ASTN2: variants seen among roughly 807,000 people sequenced by gnomAD.
ASTN2 encodes astrotactin 2.
In ASTN2, 54 loss-of-function variants were observed where a neutral mutation model predicts 139.8. The observed-to-expected ratio is 0.39, with a 90% confidence interval of 0.31 to 0.48. The LOEUF is 0.48. Among genes scored for constraint, ASTN2 ranks in the 20% least tolerant of loss-of-function variants. The probability of loss-of-function intolerance (pLI) is 0.95; values close to 1 mark genes in which losing one functional copy is unlikely to be tolerated. For missense variants in ASTN2, 1,565 were observed against 1,725.1 expected (o/e 0.91, Z 1.64); for synonymous variants, 756 against 719.5 (o/e 1.05, Z -0.81).
rs1491196866 is a variant in ASTN2 at position 117,225,536 on chromosome 9, T to TAC, written c.631-10795_631-10794insGT. On this transcript the variant is annotated intron_variant, in intron 2 of 22. Transcript: ENST00000313400. ...AAGACCAGCCTGGCCAAGCTGTATGTATATATATATATATATATATATATA... is the reference window on the plus strand; with the variant it reads ...AAGACCAGCCTGGCCAAGCTGTATGTACATATATATATATATATATATATATA... Among the ~76,000 whole-genome samples, 124 of 14,804 alleles carry TAC rather than the reference T, an allele frequency of 8.4e-3. 1 individual carries two copies. Among genetic ancestry groups the TAC allele is most frequent in the Non-Finnish European group, 0.011 (100 of 9,100 alleles). The allele number at this position is 14,804 out of a possible 152,430, so 9.7% of individuals were successfully genotyped here. A position where few individuals can be genotyped will look rare whatever the true frequency, so the allele number is the denominator to read the frequency against.
chr9:117,128,316 G>A (rs567178781), intron 4 of ASTN2, among the ~76,000 whole-genome samples: 18 of 145,488 alleles, frequency 1.2e-4, no homozygotes, highest in Admixed American at 9.2e-4. Context: ...GGAGGTTGCA[G>A]TGGGCCAGAT....
chr9:117,024,736 A>C (rs573344697), intron 6 of ASTN2, among the ~76,000 whole-genome samples: 2 of 152,266 alleles, frequency 1.3e-5, no homozygotes, highest in African/African-American at 4.8e-5. Flanking sequence ...AGTTCAATAT[A>C]AGAAAGCAGC....
intron 19 of ASTN2, among the ~76,000 whole-genome samples, chr9:116,525,623 C>T (rs10983216): frequency 6.6e-6 from 1 of 152,252 alleles, no homozygotes; most frequent in Admixed American, 6.5e-5. Flanking sequence ...TTGTGGTAAC[C>T]TGGGGCAGCA....
chr9:116,687,945 A>G (rs1174858809), intron 16 of ASTN2, among the ~76,000 whole-genome samples: 2 of 151,930 alleles, frequency 1.3e-5, no homozygotes, highest in East Asian at 3.9e-4. Flanking sequence ...GAGGGACTCT[A>G]TCTTGTTAGC....
chr9:116,831,214 G>C (rs1831805553), intron 11 of ASTN2, among the ~76,000 whole-genome samples: 1 of 152,118 alleles, frequency 6.6e-6, no homozygotes, highest in Non-Finnish European at 1.5e-5. Context: ...TGGAAGGGTG[G>C]GAAGAGTATG....
At chr9:116,825,390 T>C (rs1356391252) in intron 11 of ASTN2, among the ~76,000 whole-genome samples, 1 of 152,118 alleles carries the variant, frequency 6.6e-6, no homozygotes, top group Non-Finnish European at 1.5e-5. Flanking sequence ...AATAATTGAA[T>C]AGGGATATAT....
At chr9:116,953,658 CA>C (rs1382953807) in intron 10 of ASTN2, among the ~76,000 whole-genome samples, 1 of 152,094 alleles carries the variant, frequency 6.6e-6, no homozygotes, top group East Asian at 1.9e-4. Context: ...TTAACAACAA[CA>C]AAAAAGATGG....
intron 13 of ASTN2, among the ~76,000 whole-genome samples, chr9:116,803,510 A>ATATATATATATATATG (rs1830939770): frequency 1.4e-4 from 1 of 7,288 alleles, no homozygotes; most frequent in Admixed American, 2.4e-3. Context: ...ATATATATAT[A>ATATATATATATATATG]TATATATATA....
intron 19 of ASTN2, among the ~76,000 whole-genome samples, chr9:116,502,257 C>A (rs145175037): frequency 2.6e-5 from 4 of 151,202 alleles, no homozygotes; most frequent in Admixed American, 2.6e-4. Context: ...GAGAGAGACA[C>A]ACACAAAAAA....
At chr9:116,632,158 C>CAGAGAGAGAGAGACAG (rs1856786400) in intron 17 of ASTN2, among the ~76,000 whole-genome samples, 4 of 38,104 alleles carry the variant, frequency 1.0e-4, no homozygotes, top group South Asian at 1.4e-3. Flanking sequence ...GAGAGAGAGA[C>CAGAGAGAGAGAGACAG]AGAGAGAGAG....
chr9:117,385,148 A>T (rs759084785), intron 1 of ASTN2, among the ~76,000 whole-genome samples: 1 of 152,188 alleles, frequency 6.6e-6, no homozygotes, highest in African/African-American at 2.4e-5. Context: ...CACATGAATT[A>T]TAAGTACACA....
intron 1 of ASTN2, among the ~76,000 whole-genome samples, chr9:117,380,396 A>G (rs1444207791): frequency 2.6e-5 from 4 of 151,964 alleles, no homozygotes; most frequent in African/African-American, 9.7e-5. Context: ...CACGAGGTCA[A>G]GAGATCAAGA....
intron 2 of ASTN2, among the ~76,000 whole-genome samples, chr9:117,224,117 G>A (rs1423703201): frequency 3.3e-5 from 5 of 152,218 alleles, no homozygotes; most frequent in East Asian, 3.9e-4. Flanking sequence ...GCTAAGGAAT[G>A]CTTGGAGACA....
At position 117,156,719 on chromosome 9, in the gene ASTN2, A is replaced by G. The variant is rs146233270; in HGVS notation, c.1016-15241T>C. Among the ~76,000 whole-genome samples, 248 of 152,172 alleles carry G rather than the reference A, an allele frequency of 1.6e-3. 1 individual carries two copies. Among genetic ancestry groups the G allele is most frequent in the African/African-American group, 5.8e-3 (242 of 41,568 alleles). On this transcript the variant is annotated intron_variant, in intron 3 of 22. Transcript: ENST00000313400. ...AATGAAAACAAAAAACCCAGAAGAG[A>G]TTAAAGCATTTGATAAACGTGAACT...
At chr9:116,658,857 C>T (rs1469226016) in intron 16 of ASTN2, among the ~76,000 whole-genome samples, 5 of 148,178 alleles carry the variant, frequency 3.4e-5, no homozygotes, top group Admixed American at 6.8e-5. Context: ...GGGAAAGATA[C>T]GGAGATTTTA....
chr9:117,367,603 C>T (rs575692874), intron 1 of ASTN2, among the ~76,000 whole-genome samples: 2 of 152,266 alleles, frequency 1.3e-5, no homozygotes, highest in East Asian at 1.9e-4. Flanking sequence ...TCCCTTCAGA[C>T]GGTAAGCTCC....
At chr9:116,936,157 TCC>T (rs1835069084) in intron 10 of ASTN2, among the ~76,000 whole-genome samples, 1 of 2,302 alleles carries the variant, frequency 4.3e-4, no homozygotes, top group African/African-American at 2.1e-3. Context: ...TACCACCACC[TCC>T]ATCACTACCA....
At chr9:117,403,186 C>T (rs549139112) in intron 1 of ASTN2, among the ~76,000 whole-genome samples, 20 of 152,274 alleles carry the variant, frequency 1.3e-4, no homozygotes, top group African/African-American at 4.6e-4. Context: ...TGAGGTCTAC[C>T]GTGATTCTGA....
At chr9:117,367,519 T>C (rs2130907347) in intron 1 of ASTN2, among the ~76,000 whole-genome samples, 1 of 152,300 alleles carries the variant, frequency 6.6e-6, no homozygotes, top group Middle Eastern at 3.4e-3. Flanking sequence ...GGTGTGTGTG[T>C]GTGTGAAGCT....
Sources: gnomAD v4.1 joint callset for allele counts (sites outside exome capture counted in the v4.1 genomes callset) on GRCh38, gnomAD v4.1.1 for gene constraint, MANE v1.5 for transcripts, NCBI Gene and HGNC (gene_info 2026-07-23, HGNC 2026-07-21) for gene names.